Variants in SEMA5A observed in about 807,000 individuals in gnomAD.
SEMA5A encodes the protein semaphorin-5A.
A neutral mutation model predicts 135.5 loss-of-function variants in SEMA5A; 55 were observed. That is an observed-to-expected ratio of 0.41 (90% CI 0.33 to 0.51). The LOEUF is 0.51. Ranked by LOEUF, SEMA5A falls within the 20% of genes least tolerant of loss-of-function variation. The pLI is 0.37. For missense variants in SEMA5A, 1,290 were observed against 1,419.9 expected (o/e 0.91, Z 1.47); for synonymous variants, 580 against 546.5 (o/e 1.06, Z -0.85).
At chr5:9,444,180 T>A (rs1174886654) in intron 1 of SEMA5A, among the ~76,000 whole-genome samples, 2 of 151,420 alleles carry the variant, frequency 1.3e-5, no homozygotes, top group East Asian at 1.9e-4. Context: ...TTATTTTTTT[T>A]AATTTTTTTT....
chr5:9,312,344 CAA>C (rs11311020), intron 5 of SEMA5A, among the ~76,000 whole-genome samples: 1,249 of 88,484 alleles, frequency 0.014, 17 homozygotes, highest in African/African-American at 0.045. Flanking sequence ...CAGTGAGTTG[CAA>C]AAAAAAAAAA....
intron 11 of SEMA5A, among the ~76,000 whole-genome samples, chr5:9,156,421 G>T (rs1165075973): frequency 6.6e-6 from 1 of 152,154 alleles, no homozygotes; most frequent in Non-Finnish European, 1.5e-5. Flanking sequence ...GCCCTGCAAG[G>T]AGGTCCCCAT....
At chr5:9,131,008 C>G (rs534315468) in intron 13 of SEMA5A, among the ~76,000 whole-genome samples, 1 of 152,296 alleles carries the variant, frequency 6.6e-6, no homozygotes, top group Non-Finnish European at 1.5e-5. Flanking sequence ...AAGACCCTAA[C>G]TACATAATGG....
chr5:9,399,752 G>A (rs1039945115), intron 2 of SEMA5A, among the ~76,000 whole-genome samples: 6 of 152,214 alleles, frequency 3.9e-5, no homozygotes, highest in South Asian at 2.1e-4. Context: ...GACGGAAAGG[G>A]GCCTTGAGGG....
intron 1 of SEMA5A, among the ~76,000 whole-genome samples, chr5:9,504,757 A>G (rs916233967): frequency 6.6e-6 from 1 of 152,248 alleles, no homozygotes; most frequent in African/African-American, 2.4e-5. Flanking sequence ...AAATCATGGG[A>G]GCTGGGTCAC....
chr5:9,346,482 C>T (rs1422955142), intron 3 of SEMA5A, among the ~76,000 whole-genome samples: 1 of 152,202 alleles, frequency 6.6e-6, no homozygotes, highest in Non-Finnish European at 1.5e-5. Flanking sequence ...GGCAGCAGAG[C>T]TAAAAGAGCA....
chr5:9,475,681 GA>G (rs1759642905), intron 1 of SEMA5A, among the ~76,000 whole-genome samples: 1 of 152,134 alleles, frequency 6.6e-6, no homozygotes, highest in African/African-American at 2.4e-5. Context: ...AAATAAAGTT[GA>G]TTTAGCCAGT....
chr5:9,444,527 T>C (rs970171880), intron 1 of SEMA5A, among the ~76,000 whole-genome samples: 5 of 152,236 alleles, frequency 3.3e-5, no homozygotes, highest in African/African-American at 9.6e-5. Context: ...AATTCATTCC[T>C]TTTTATGGCT....
At chr5:9,507,172 A>G (rs965946285) in intron 1 of SEMA5A, among the ~76,000 whole-genome samples, 1 of 152,230 alleles carries the variant, frequency 6.6e-6, no homozygotes, top group African/African-American at 2.4e-5. Context: ...GAAGCACCTG[A>G]GTCGACATGG....
chr5:9,264,953 G>A (rs1270898773), intron 5 of SEMA5A, among the ~76,000 whole-genome samples: 1 of 152,106 alleles, frequency 6.6e-6, no homozygotes, highest in Non-Finnish European at 1.5e-5. Context: ...ATTATCCCTT[G>A]TTTCAAACCC....
intron 6 of SEMA5A, among the ~76,000 whole-genome samples, chr5:9,231,967 T>C (rs931872625): frequency 2.0e-5 from 3 of 152,160 alleles, no homozygotes; most frequent in South Asian, 2.1e-4. Context: ...AAATGACCCA[T>C]GTGGGCCTGT....
chr5:9,151,426 C>G (rs1455558408), intron 12 of SEMA5A, among the ~76,000 whole-genome samples: 1 of 152,162 alleles, frequency 6.6e-6, no homozygotes. Flanking sequence ...AAATTAGTAT[C>G]CAATCGTTAC....
At chr5:9,484,501 G>A (rs1760002165) in intron 1 of SEMA5A, among the ~76,000 whole-genome samples, 1 of 152,186 alleles carries the variant, frequency 6.6e-6, no homozygotes, top group African/African-American at 2.4e-5. Flanking sequence ...TGCCATTAAT[G>A]AGCATGTTTT....
At chr5:9,053,628 C>T (rs898874755) in intron 19 of SEMA5A, among the ~76,000 whole-genome samples, 4 of 152,076 alleles carry the variant, frequency 2.6e-5, no homozygotes, top group African/African-American at 4.8e-5. Flanking sequence ...AGGCTGCAGG[C>T]GATTTCCCCA....
chr5:9,351,908 T>C (rs1754135739), intron 3 of SEMA5A, among the ~76,000 whole-genome samples: 2 of 152,222 alleles, frequency 1.3e-5, no homozygotes, highest in Admixed American at 6.5e-5. Flanking sequence ...ACTCTACCTT[T>C]AGCCTTCACT....
At chr5:9,347,374 T>G (rs550583137) in intron 3 of SEMA5A, among the ~76,000 whole-genome samples, 4 of 152,318 alleles carry the variant, frequency 2.6e-5, no homozygotes, top group Admixed American at 2.6e-4. Context: ...TTGCAAAAGG[T>G]CTACACTCTG....
At chr5:9,458,185 G>T (rs1758918812) in intron 1 of SEMA5A, among the ~76,000 whole-genome samples, 1 of 151,264 alleles carries the variant, frequency 6.6e-6, no homozygotes, top group African/African-American at 2.4e-5. Context: ...GGGATTACAG[G>T]CGTGAGCCAC....
rs535080168 is a variant in SEMA5A, at chr5:9,051,843, A to G, written c.2845+30T>C. The G allele has an allele frequency of 1.3e-5, 21 of 1,613,746 alleles. No individual in the cohort carries two copies. In the African/African-American group the frequency reaches 2.5e-4, roughly 19 times the overall value. ...CTCTCTCCATGTTGGAAATGATTTTATTCTTACTGATAAATACCTCTGCTC... is the reference window on the plus strand; with the variant it reads ...CTCTCTCCATGTTGGAAATGATTTTGTTCTTACTGATAAATACCTCTGCTC... On this transcript the variant is annotated intron_variant, in intron 20 of 22. Transcript: ENST00000382496.
At chr5:9,461,291 C>T (rs912956615) in intron 1 of SEMA5A, among the ~76,000 whole-genome samples, 2 of 152,140 alleles carry the variant, frequency 1.3e-5, no homozygotes, top group African/African-American at 4.8e-5. Context: ...AGAGAATGCT[C>T]ACTGAATCTT....
Sources: gnomAD v4.1 joint callset for allele counts (sites outside exome capture counted in the v4.1 genomes callset) on GRCh38, gnomAD v4.1.1 for gene constraint, MANE v1.5 for transcripts, NCBI Gene and HGNC (gene_info 2026-07-23, HGNC 2026-07-21) for gene names.